The following SPATS2L variants were observed in gnomAD, a reference collection of about 807,000 sequenced individuals.
The protein encoded by SPATS2L is SPATS2-like protein.
SPATS2L carries 30 observed loss-of-function variants against 59.6 expected under a neutral mutation model. The ratio of observed to expected loss-of-function variants is 0.50; its 90% confidence interval spans 0.38 to 0.68. The LOEUF is 0.68. Ranked by LOEUF, SPATS2L falls within the 30% of genes least tolerant of loss-of-function variation. The probability of loss-of-function intolerance (pLI) is 0.00; values close to 1 mark genes in which losing one functional copy is unlikely to be tolerated. For synonymous variants in SPATS2L, 252 were observed against 263.5 expected (o/e 0.96, Z 0.42); for missense variants, 615 against 700.0 (o/e 0.88, Z 1.37).
At chr2:200,473,095 A>C (rs780606753) in intron 12 of SPATS2L, 43 bp downstream of exon 12, 71 of 1,520,696 alleles carry the variant, frequency 4.7e-5, no homozygotes, top group Admixed American at 1.2e-4. Flanking sequence ...AAAAAAAAAA[A>C]AAACCTGTTT....
intron 2 of SPATS2L, among the ~76,000 whole-genome samples, chr2:200,377,403 G>A (rs188619293): frequency 4.5e-4 from 69 of 152,366 alleles, no homozygotes; most frequent in African/African-American, 1.5e-3. Flanking sequence ...AGGGCTGGTG[G>A]TAGCAGCTTT....
At chr2:200,354,831 C>T (rs1391411313) in intron 2 of SPATS2L, among the ~76,000 whole-genome samples, 9 of 151,998 alleles carry the variant, frequency 5.9e-5, no homozygotes, top group African/African-American at 4.8e-5. Flanking sequence ...AAATATTTTT[C>T]GATTTAAGAG....
chr2:200,329,832 A>T (rs980911404), intron 2 of SPATS2L, among the ~76,000 whole-genome samples: 1 of 152,016 alleles, frequency 6.6e-6, no homozygotes, highest in Non-Finnish European at 1.5e-5. Flanking sequence ...TTAGAAAAGA[A>T]TTATGGCTAA....
At chr2:200,450,337 C>A (rs906842203) in intron 8 of SPATS2L, among the ~76,000 whole-genome samples, 1 of 152,116 alleles carries the variant, frequency 6.6e-6, no homozygotes, top group Non-Finnish European at 1.5e-5. Flanking sequence ...TAAGTTATCC[C>A]TTCCAACTTT....
chr2:200,422,662 T>C (rs1037407016), intron 6 of SPATS2L, among the ~76,000 whole-genome samples: 3 of 152,178 alleles, frequency 2.0e-5, no homozygotes, highest in African/African-American at 7.2e-5. Context: ...TTTGTTATGA[T>C]TATAAATTTT....
chr2:200,386,109 A>G (rs2081985497), intron 2 of SPATS2L, among the ~76,000 whole-genome samples: 1 of 152,208 alleles, frequency 6.6e-6, no homozygotes, highest in Non-Finnish European at 1.5e-5. Flanking sequence ...TATTAGAAAC[A>G]GTAAGATTTT....
chr2:200,407,424 C>T (rs777388714), intron 3 of SPATS2L, among the ~76,000 whole-genome samples: 2 of 152,152 alleles, frequency 1.3e-5, no homozygotes, highest in Non-Finnish European at 2.9e-5. Context: ...TTCATAAGGA[C>T]AGTACAACAC....
intron 9 of SPATS2L, 85 bp downstream of exon 9, chr2:200,459,912 C>T: frequency 9.9e-7 from 1 of 1,006,486 alleles, no homozygotes; most frequent in Non-Finnish European, 1.5e-6. Context: ...ATACCGGCTT[C>T]TGAACAGGGT....
chr2:200,396,530 T>G (rs749160528), intron 3 of SPATS2L, among the ~76,000 whole-genome samples: 3 of 152,178 alleles, frequency 2.0e-5, no homozygotes, highest in Non-Finnish European at 2.9e-5. Context: ...TTCTTGTAAC[T>G]CTCTTGATCT....
At chr2:200,403,235 T>C (rs1477165988) in intron 3 of SPATS2L, among the ~76,000 whole-genome samples, 2 of 152,162 alleles carry the variant, frequency 1.3e-5, no homozygotes, top group Non-Finnish European at 1.5e-5. Flanking sequence ...TCCAACCACT[T>C]CTGGAGCAAT....
At chr2:200,375,650 G>A (rs933160578) in intron 2 of SPATS2L, among the ~76,000 whole-genome samples, 3 of 152,060 alleles carry the variant, frequency 2.0e-5, no homozygotes, top group African/African-American at 7.2e-5. Context: ...TTTTGAGATA[G>A]GGTCTTACTC....
intron 9 of SPATS2L, among the ~76,000 whole-genome samples, chr2:200,461,563 C>T (rs1183991292): frequency 6.6e-6 from 1 of 152,124 alleles, no homozygotes; most frequent in African/African-American, 2.4e-5. Context: ...TAATGGGGCC[C>T]CTAAGACCCT....
intron 6 of SPATS2L, among the ~76,000 whole-genome samples, chr2:200,427,325 A>C (rs1222678683): frequency 6.6e-6 from 1 of 152,008 alleles, no homozygotes; most frequent in African/African-American, 2.4e-5. Flanking sequence ...CCATAAATAT[A>C]TAAACCTACT....
At chr2:200,337,411 C>T (rs2080177569) in intron 2 of SPATS2L, among the ~76,000 whole-genome samples, 1 of 152,182 alleles carries the variant, frequency 6.6e-6, no homozygotes, top group African/African-American at 2.4e-5. Context: ...ATAGCAAAAG[C>T]ATCTTGGTAG....
chr2:200,411,371 A>G (rs570069573), intron 3 of SPATS2L, among the ~76,000 whole-genome samples: 3 of 152,312 alleles, frequency 2.0e-5, no homozygotes, highest in African/African-American at 7.2e-5. Context: ...ATTATACTAA[A>G]CTGCATTTAA....
At chr2:200,457,223 TACAC>T (rs4035249) in intron 8 of SPATS2L, among the ~76,000 whole-genome samples, 13,656 of 147,916 alleles carry the variant, frequency 0.092, 877 homozygotes, top group African/African-American at 0.18. Context: ...AAAACATACA[TACAC>T]ACACACACAC....
intron 5 of SPATS2L, among the ~76,000 whole-genome samples, chr2:200,418,406 C>CT (rs2083156447): frequency 6.6e-6 from 1 of 151,960 alleles, no homozygotes; most frequent in Admixed American, 6.6e-5. Flanking sequence ...GACCCTGTAT[C>CT]TACAAAACAT....
chr2:200,473,680 C>G (rs2087255674), intron 12 of SPATS2L, among the ~76,000 whole-genome samples: 1 of 152,150 alleles, frequency 6.6e-6, no homozygotes, highest in Admixed American at 6.5e-5. Context: ...GAGGTGATTT[C>G]CCCCTTATCC....
chr2:200,470,119 C>G (rs1401440661), intron 11 of SPATS2L, 103 bp downstream of exon 11: 2 of 852,730 alleles, frequency 2.3e-6, no homozygotes, highest in African/African-American at 1.7e-5. Context: ...AGGGGGCTAA[C>G]GTGAGGTCTA....
Sources: allele counts gnomAD v4.1 joint callset (sites outside exome capture counted in the v4.1 genomes callset), GRCh38; gene constraint gnomAD v4.1.1; transcripts MANE v1.5; gene names NCBI Gene and HGNC (gene_info 2026-07-23, HGNC 2026-07-21).